The following ITGB7 variants were observed in gnomAD, a reference collection of about 807,000 sequenced individuals.
ITGB7 encodes the protein integrin beta-7.
ITGB7 carries 55 observed loss-of-function variants against 83.4 expected under a neutral mutation model. The observed-to-expected ratio is 0.66, with a 90% CI of 0.53 to 0.83. ITGB7 has a LOEUF of 0.83. Among genes scored for constraint, ITGB7 ranks in the 40% least tolerant of loss-of-function variants. The probability of loss-of-function intolerance (pLI) is 0.00; values close to 1 mark genes in which losing one functional copy is unlikely to be tolerated. For synonymous variants in ITGB7, 454 were observed against 423.6 expected, an observed-to-expected ratio of 1.07 and a Z score of -0.88; for missense variants, 921 against 1,046.7, an observed-to-expected ratio of 0.88 and a Z score of 1.66.
rs527398087 is a variant in ITGB7, at chr12:53,204,411, A to T, written c.-127+2791T>A. Among the ~76,000 whole-genome samples, 5 of 152,270 alleles carry T rather than the reference A, an allele frequency of 3.3e-5. No individual in the cohort carries two copies. In the South Asian group the frequency reaches 1.0e-3, roughly 32 times the overall value. On this transcript the variant is annotated intron_variant, in intron 1 of 15. Coordinates refer to ENST00000267082, the MANE Select transcript of ITGB7 (RefSeq NM_000889.3). ...AAAAAAAAAAATGAAGTACTGATAC[A>T]TACATGCTACAACATGGATGAACCT... is the stretch of plus-strand genomic sequence containing the variant.
chr12:53,197,915 A>G lies in ITGB7; in HGVS notation c.238T>C (p.Cys80Arg). Residue 80 changes from cysteine (C) to arginine (R), a missense_variant, in exon 4 of 16, where the codon TGC (cysteine) becomes CGC (arginine). By Grantham distance (180) the Cys-to-Arg change is radical (BLOSUM62 -3). Coordinates refer to ENST00000267082, the MANE Select transcript of ITGB7 (RefSeq NM_000889.3). ...GCCAGCAGCTCCTCTCGTCGGGCGCAGCGCCGCGCCTCCGCCTCTCCCGAC... is the reference window on the plus strand; with the variant it reads ...GCCAGCAGCTCCTCTCGTCGGGCGCGGCGCCGCGCCTCCGCCTCTCCCGAC... The part of the protein sequence containing the change: ...TASGEAEARR[C>R]ARREELLARG... 7 of 1,544,946 alleles carry G rather than the reference A, an allele frequency of 4.5e-6. No homozygotes were observed. The highest frequency in any genetic ancestry group is 6.1e-6 in the Non-Finnish European group (7 of 1,153,346).
chr12:53,192,618 A>G, intron 13 of ITGB7, 73 bp downstream of exon 13: 1 of 1,597,534 alleles, frequency 6.3e-7, no homozygotes, highest in Non-Finnish European at 8.6e-7. Context: ...CAGGACGGAG[A>G]GTAGGCAGAT....
intron 1 of ITGB7, among the ~76,000 whole-genome samples, 185 bp downstream of exon 1, chr12:53,207,017 T>A (rs184342419): frequency 6.6e-4 from 100 of 152,266 alleles, no homozygotes; most frequent in Non-Finnish European, 1.3e-3. Flanking sequence ...GTGGGGGTAC[T>A]GTGAAACTGG....
Position 53,197,908 on chromosome 12 carries a change from C to A in ITGB7, c.245G>T (p.Arg82Leu). 1 of 1,545,978 alleles carries A rather than the reference C, an allele frequency of 6.5e-7. No individual in the cohort carries two copies. Among genetic ancestry groups the A allele is most frequent in the Non-Finnish European group, 8.7e-7 (1 of 1,153,824 alleles). Residue 82 changes from arginine (R) to leucine (L), a missense_variant, in exon 4 of 16, where the codon CGA (arginine) becomes CTA (leucine). Physicochemically the swap from Arg to Leu is moderately radical, Grantham distance 102. Transcript: ENST00000267082. ...GCCTCGAGCCAGCAGCTCCTCTCGT[C>A]GGGCGCAGCGCCGCGCCTCCGCCTC... ...SGEAEARRCA[R>L]REELLARGCP...
At chr12:53,202,561 G>A (rs1181216961) in intron 1 of ITGB7, among the ~76,000 whole-genome samples, 1 of 151,582 alleles carries the variant, frequency 6.6e-6, no homozygotes, top group African/African-American at 2.4e-5. Context: ...GACCACATTG[G>A]CCGGGCTGGT....
chr12:53,195,549 G>A, intron 8 of ITGB7, 77 bp downstream of exon 8: 1 of 1,516,688 alleles, frequency 6.6e-7, no homozygotes, highest in South Asian at 1.1e-5. Context: ...GCATATGGGG[G>A]ACGGAGAATG....
At chr12:53,194,761 C>T (rs946530554) in intron 9 of ITGB7, 1 of 177,330 alleles carries the variant, frequency 5.6e-6, no homozygotes, top group African/African-American at 2.4e-5. Flanking sequence ...AGGAGATGCT[C>T]CCTGTTATCA....
Sources: gnomAD v4.1 joint callset for allele counts (sites outside exome capture counted in the v4.1 genomes callset) on GRCh38, gnomAD v4.1.1 for gene constraint, MANE v1.5 for transcripts, NCBI Gene and HGNC (gene_info 2026-07-23, HGNC 2026-07-21) for gene names.